Variants in ANAPC1 observed in about 807,000 individuals in gnomAD.
ANAPC1 encodes the protein anaphase promoting complex subunit 1.
ANAPC1 carries 36 observed loss-of-function variants against 208.0 expected under a neutral mutation model. The observed-to-expected ratio is 0.17, with a 90% CI of 0.13 to 0.23. ANAPC1 has a LOEUF of 0.23. Among genes scored for constraint, ANAPC1 ranks in the 10% least tolerant of loss-of-function variants. The pLI is 1.00. For missense variants in ANAPC1, 942 were observed against 2,011.6 expected, an observed-to-expected ratio of 0.47 and a Z score of 10.17; for synonymous variants, 378 against 695.2, an observed-to-expected ratio of 0.54 and a Z score of 7.18.
intron 13 of ANAPC1, 103 bp from the exon 14 acceptor site, chr2:111,851,013 T>C: frequency 7.4e-7 from 1 of 1,359,646 alleles, no homozygotes; most frequent in Non-Finnish European, 9.8e-7. Context: ...TTTTGATATT[T>C]CTAAGTTTAT....
rs371386585 is a variant in ANAPC1, at chr2:111,848,495, C to T, written c.1651-630G>A. Among the ~76,000 whole-genome samples, 41 of 151,956 alleles carry T rather than the reference C, an allele frequency of 2.7e-4. 1 individual carries two copies. The East Asian group carries it at 5.0e-3, about 19-fold the overall frequency. On this transcript the variant is annotated intron_variant, in intron 14 of 47. Coordinates refer to ENST00000341068, the MANE Select transcript of ANAPC1 (RefSeq NM_022662.4). ...CAGGGCTAAAGACTAAACTGTGAGCCGGGGCACGCGGTGGCTCATGCCTAT... is the reference window on the plus strand; with the variant it reads ...CAGGGCTAAAGACTAAACTGTGAGCTGGGGCACGCGGTGGCTCATGCCTAT...
chr2:111,846,357 G>T (rs1681057937), intron 16 of ANAPC1, among the ~76,000 whole-genome samples: 1 of 150,694 alleles, frequency 6.6e-6, no homozygotes, highest in African/African-American at 2.4e-5. Flanking sequence ...TTCAATTAAG[G>T]CAATTAGGTT....
chr2:111,787,012 G>A (rs1395224415), intron 39 of ANAPC1, among the ~76,000 whole-genome samples: 3 of 148,348 alleles, frequency 2.0e-5, no homozygotes, highest in Non-Finnish European at 3.0e-5. Flanking sequence ...AGCTGGGCGT[G>A]GTGGCAGGTG....
At position 111,769,679 on chromosome 2, in the gene ANAPC1, C is replaced by CTTTTTTTTTTTTTTTTTTTTTTTTTT; in HGVS notation, c.5720-274_5720-273insAAAAAAAAAAAAAAAAAAAAAAAAAA. Among the ~76,000 whole-genome samples, 2 of 83,260 alleles carry CTTTTTTTTTTTTTTTTTTTTTTTTTT rather than the reference C, an allele frequency of 2.4e-5. 1 individual carries two copies. The highest frequency in any genetic ancestry group is 4.6e-5 in the Non-Finnish European group (2 of 43,580). 54.6% of individuals were successfully genotyped at this position (83,260 alleles called of 152,430 possible). A position where few individuals can be genotyped will look rare whatever the true frequency, so the allele number is the denominator to read the frequency against. ...TATCTGCATTACACCTACTGGCTTTCTTTTTTTTTTTTTTTTTTTGGAGAC... is the reference window on the plus strand; with the variant it reads ...TATCTGCATTACACCTACTGGCTTTCTTTTTTTTTTTTTTTTTTTTTTTTTTTTTTTTTTTTTTTTTTTTTGGAGAC... On this transcript the variant is annotated intron_variant, in intron 47 of 47. Transcript: ENST00000341068.
At chr2:111,781,801 C>A (rs1235570362) in intron 43 of ANAPC1, among the ~76,000 whole-genome samples, 6 of 152,382 alleles carry the variant, frequency 3.9e-5, no homozygotes, top group Non-Finnish European at 7.3e-5. Flanking sequence ...TATGTGCTGA[C>A]CCCGCCGTGG....
At chr2:111,791,447 C>T (rs1169933907) in intron 38 of ANAPC1, among the ~76,000 whole-genome samples, 2 of 150,322 alleles carry the variant, frequency 1.3e-5, no homozygotes, top group Non-Finnish European at 3.0e-5. Flanking sequence ...ACAACAAAAT[C>T]GAAGACATGT....
At chr2:111,770,858 A>G (rs1399123160) in intron 47 of ANAPC1, among the ~76,000 whole-genome samples, 2 of 151,444 alleles carry the variant, frequency 1.3e-5, no homozygotes, top group East Asian at 3.9e-4. Context: ...AAGTTCCAGT[A>G]TGATAACTCC....
At chr2:111,799,928 C>G (rs1185044085) in intron 34 of ANAPC1, among the ~76,000 whole-genome samples, 1 of 86,504 alleles carries the variant, frequency 1.2e-5, no homozygotes. Context: ...TTCCACAGGT[C>G]TATGTGTTAG....
At chr2:111,866,580 G>A (rs1442691118) in intron 7 of ANAPC1, among the ~76,000 whole-genome samples, 1 of 150,048 alleles carries the variant, frequency 6.7e-6, no homozygotes, top group Non-Finnish European at 1.5e-5. Context: ...CAAAAAATTA[G>A]CTGGGCGTGA....
At chr2:111,821,160 T>TG in intron 26 of ANAPC1, 79 bp downstream of exon 26, 1 of 1,539,214 alleles carries the variant, frequency 6.5e-7, no homozygotes, top group East Asian at 2.3e-5. Context: ...GCTAAAAACT[T>TG]GAAGGAAAAA....
At chr2:111,861,849 G>A (rs1288995485) in intron 10 of ANAPC1, among the ~76,000 whole-genome samples, 7 of 120,850 alleles carry the variant, frequency 5.8e-5, no homozygotes, top group African/African-American at 2.0e-4. Context: ...AAAAACACCC[G>A]AAAAATGAGA....
At position 111,827,759 on chromosome 2, in the gene ANAPC1, TA is replaced by T. The variant is rs1186101330; in HGVS notation, c.2626-1905del. On this transcript the variant is annotated intron_variant, in intron 21 of 47. Transcript: ENST00000341068. ...TGACAGAGTAAGACCTTGTCTCAAA[TA>T]AAAAAAATAAAAAATAAAAAAAGTC... Among the ~76,000 whole-genome samples the T allele has an allele frequency of 2.5e-4, 38 of 150,284 alleles. No individual in the cohort carries two copies. The South Asian group carries it at 7.2e-3, about 28-fold the overall frequency.
In ANAPC1 at chr2:111,873,457, A is replaced by G. The variant is rs554251754; in HGVS notation, c.428-49T>C. ...ACTTATGTGTTTTTTCCCTCAAAGG[A>G]GTTCAATCCTAACAGCACAAATTAT... On this transcript the variant is annotated intron_variant, in intron 4 of 47. Coordinates refer to ENST00000341068, the MANE Select transcript of ANAPC1 (RefSeq NM_022662.4). 1,911 of 1,585,608 alleles carry G rather than the reference A, an allele frequency of 1.2e-3. 23 individuals carry two copies. The African/African-American group carries it at 0.018, about 15-fold the overall frequency.
At chr2:111,851,497 T>C (rs1425003795) in intron 13 of ANAPC1, among the ~76,000 whole-genome samples, 20 of 152,098 alleles carry the variant, frequency 1.3e-4, no homozygotes, top group Admixed American at 1.3e-3. Context: ...TCTTCTACCT[T>C]TTTGGTCATA....
chr2:111,861,026 C>T (rs536992621), intron 10 of ANAPC1, among the ~76,000 whole-genome samples: 13 of 152,272 alleles, frequency 8.5e-5, no homozygotes, highest in African/African-American at 2.4e-4. Context: ...GCCTTCTTAC[C>T]GCTGTCATCA....
At chr2:111,864,402 CAAA>C (rs557496899) in intron 8 of ANAPC1, among the ~76,000 whole-genome samples, 17 of 67,372 alleles carry the variant, frequency 2.5e-4, no homozygotes, top group East Asian at 2.0e-3. Flanking sequence ...GTGATTTTTC[CAAA>C]AAAAAAAAAA....
In ANAPC1 at chr2:111,825,849, C is replaced by A. The variant is rs1360390875; in HGVS notation, c.2632G>T (p.Ala878Ser). The change falls in exon 22 of 48, where the codon GCA (alanine) becomes TCA (serine). Residue 878 changes from alanine to serine, a missense_variant. Ala to Ser is a moderately conservative substitution (Grantham distance 99). Transcript: ENST00000341068. ...CTCTCATCACCAAGTATGTACAGTG[C>A]AATACTCTGCAAAGGAAGAAAATTA... ...ERSRLVVLSI[A>S]LYILGDESLV... The A allele has an allele frequency of 1.2e-6, 2 of 1,606,326 alleles. No homozygotes were observed. Among genetic ancestry groups the A allele is most frequent in the East Asian group, 4.5e-5 (2 of 44,690 alleles).
At chr2:111,809,957 T>A (rs568392983) in intron 28 of ANAPC1, among the ~76,000 whole-genome samples, 1,737 of 143,838 alleles carry the variant, frequency 0.012, 24 homozygotes, top group African/African-American at 0.043. Flanking sequence ...TACCATTACT[T>A]CATTACTCTT....
Position 111,838,418 on chromosome 2 carries a change from C to G in ANAPC1, c.2115+20G>C, listed in dbSNP as rs1447994239. ...ATATCCATAAATTAATTTATATTAG[C>G]AAGAAATAATAATGCTTACATCATC... is the stretch of plus-strand genomic sequence containing the variant. On this transcript the variant is annotated intron_variant, in intron 18 of 47. Transcript: ENST00000341068. 1.3e-6 allele frequency: 2 copies of G among 1,566,280 alleles called. No homozygotes were observed. Among genetic ancestry groups the G allele is most frequent in the African/African-American group, 2.8e-5 (2 of 72,368 alleles).
Sources: gnomAD v4.1 joint callset for allele counts (sites outside exome capture counted in the v4.1 genomes callset) on GRCh38, gnomAD v4.1.1 for gene constraint, MANE v1.5 for transcripts, NCBI Gene and HGNC (gene_info 2026-07-23, HGNC 2026-07-21) for gene names.